CEP295: variants seen among roughly 807,000 people sequenced by gnomAD.
The protein encoded by CEP295 is centrosomal protein of 295 kDa.
CEP295 carries 190 observed loss-of-function variants against 291.6 expected under a neutral mutation model. The observed-to-expected ratio is 0.65, with a 90% CI of 0.58 to 0.73. The LOEUF (loss-of-function observed/expected upper bound fraction) is 0.73. Among genes scored for constraint, CEP295 ranks in the 30% least tolerant of loss-of-function variants. CEP295 has a pLI of 0.00. For synonymous variants in CEP295, 993 were observed against 1,038.8 expected (o/e 0.96, Z 0.85); for missense variants, 2,863 against 2,949.4 (o/e 0.97, Z 0.68).
intron 12 of CEP295, among the ~76,000 whole-genome samples, chr11:93,693,918 ATTTTAAG>A (rs1339865898): frequency 6.6e-6 from 1 of 152,224 alleles, no homozygotes; most frequent in African/African-American, 2.4e-5. Context: ...GAGGAACTAA[ATTTTAAG>A]TTTTATTTAA....
chr11:93,699,659 C>A lies in CEP295; in HGVS notation c.4747C>A (p.Pro1583Thr). ...TCTTCCCTCAAGTCATCGTGAGATTCCAAGATTACAGGATAGACTTTTGAG... is the reference window on the plus strand; with the variant it reads ...TCTTCCCTCAAGTCATCGTGAGATTACAAGATTACAGGATAGACTTTTGAG... ...DTLPSSHREI[P>T]RLQDRLLSLS... The change falls in exon 15 of 30, where the codon CCA becomes ACA. Residue 1583 changes from proline to threonine, a missense_variant. Around this residue, in one of 3 missense-constraint regions of CEP295, gnomAD observed 2,295 missense variants for 2,335.7 expected, o/e 0.98. Coordinates refer to ENST00000325212, the MANE Select transcript of CEP295 (RefSeq NM_033395.2). The A allele has an allele frequency of 6.4e-7, 1 of 1,551,514 alleles. No individual in the cohort carries two copies. Among genetic ancestry groups the A allele is most frequent in the Non-Finnish European group, 8.7e-7 (1 of 1,147,032 alleles).
At chr11:93,720,372 C>A (rs1953612791) in intron 18 of CEP295, among the ~76,000 whole-genome samples, 1 of 149,882 alleles carries the variant, frequency 6.7e-6, no homozygotes, top group Admixed American at 6.7e-5. Flanking sequence ...ACTCAGGAGG[C>A]TGAGGCAGGG....
At chr11:93,696,586 C>A in intron 14 of CEP295, 96 bp from the exon 15 acceptor site, 2 of 1,208,394 alleles carry the variant, frequency 1.7e-6, no homozygotes, top group South Asian at 1.6e-5. Flanking sequence ...TGAGTATTGC[C>A]AACCCTAGAT....
At chr11:93,714,328 G>C (rs1273762274) in intron 18 of CEP295, among the ~76,000 whole-genome samples, 1 of 152,160 alleles carries the variant, frequency 6.6e-6, no homozygotes, top group South Asian at 2.1e-4. Context: ...TCAGCTCACT[G>C]CAACTTCTGC....
chr11:93,696,986 A>G lies in CEP295; in HGVS notation c.2074A>G (p.Thr692Ala), dbSNP rs1190265587. Residue 692 changes from threonine to alanine, a missense_variant, in exon 15 of 30, where the codon ACA becomes GCA. Thr to Ala is a moderately conservative substitution (Grantham distance 58, BLOSUM62 0). Around this residue, in one of 3 missense-constraint regions of CEP295, gnomAD observed 2,295 missense variants for 2,335.7 expected, o/e 0.98. Transcript: ENST00000325212. ...FPQRQVETTE[T>A]LRASDILTNQ... ...ACAAAGACAGGTGGAAACAACAGAA[A>G]CATTACGCGCTTCAGATATTTTAAC... 1 of 1,551,592 alleles carries G rather than the reference A, an allele frequency of 6.4e-7. No homozygotes were observed. The highest frequency in any genetic ancestry group is 1.4e-5 in the African/African-American group (1 of 73,058).
Position 93,729,774 on chromosome 11 carries a change from A to G in CEP295, c.7560A>G (p.Pro2520=), listed in dbSNP as rs752581037. 3.2e-6 allele frequency: 5 copies of G among 1,540,202 alleles called. No individual in the cohort carries two copies. Among genetic ancestry groups the G allele is most frequent in the Non-Finnish European group, 4.4e-6 (5 of 1,141,986 alleles). ...NSQIKTVKEK[P]SISSSVSRLK... is the part of the protein sequence containing the mutation. ...AAATCAAAACAGTTAAAGAGAAACC[A>G]TCTATAAGTATGTTGAATTTTTAAA... Residue 2520 remains proline (P), a synonymous_variant, in exon 27 of 30, where the codon CCA becomes CCG. Transcript: ENST00000325212.
chr11:93,699,926 T>C lies in CEP295; in HGVS notation c.5014T>C (p.Tyr1672His), dbSNP rs1466679925. 1 of 1,551,814 alleles carries C rather than the reference T, an allele frequency of 6.4e-7. No individual in the cohort carries two copies. The highest frequency in any genetic ancestry group is 2.0e-5 in the Admixed American group (1 of 51,006). The change falls in exon 15 of 30, where the codon TAT (tyrosine) becomes CAT (histidine). Residue 1672 changes from tyrosine to histidine, a missense_variant. Tyr to His is a moderately conservative substitution (Grantham distance 83). Around this residue, in one of 3 missense-constraint regions of CEP295, gnomAD observed 2,295 missense variants for 2,335.7 expected, o/e 0.98. Coordinates refer to ENST00000325212, the MANE Select transcript of CEP295 (RefSeq NM_033395.2). ...TAAACCTAAAAGCACTTGTGAATTG[T>C]ATTCATCCCAGAATGAACATGCAGC... ...EAKPKSTCELYSSQNEHAAPP... is the reference protein window; with the variant it reads ...EAKPKSTCELHSSQNEHAAPP...
Position 93,730,314 on chromosome 11 carries a change from C to CATTAGACAAAATTATTT in CEP295, c.*47_*63dup, listed in dbSNP as rs768702791. ...AGGTTTTTTAATTGTGTATATGTAGCATTAGACAAAATTATTTAAAGTCAA... is the reference window on the plus strand; with the variant it reads ...AGGTTTTTTAATTGTGTATATGTAGCATTAGACAAAATTATTTATTAGACAAAATTATTTAAAGTCAA... On this transcript the variant is annotated 3_prime_UTR_variant, in exon 30 of 30. Coordinates refer to ENST00000325212, the MANE Select transcript of CEP295 (RefSeq NM_033395.2). 2 of 1,283,832 alleles carry CATTAGACAAAATTATTT rather than the reference C, an allele frequency of 1.6e-6. No individual in the cohort carries two copies. Among genetic ancestry groups the CATTAGACAAAATTATTT allele is most frequent in the African/African-American group, 3.0e-5 (2 of 67,002 alleles). The allele number at this position is 1,283,832 out of a possible 1,614,324, so 79.5% of individuals were successfully genotyped here. A position where few individuals can be genotyped will look rare whatever the true frequency, so the allele number is the denominator to read the frequency against.
At position 93,697,585 on chromosome 11, in the gene CEP295, G is replaced by A; in HGVS notation, c.2673G>A (p.Leu891=). Residue 891 remains leucine, a synonymous_variant, in exon 15 of 30, where the codon TTG becomes TTA. Coordinates refer to ENST00000325212, the MANE Select transcript of CEP295 (RefSeq NM_033395.2). ...QQTGLSVFLP[L]VTPDSSALLP... ...CGGGCCTCTCGGTATTCCTTCCCTT[G>A]GTAACTCCAGATTCATCTGCTTTAT... 1 of 1,551,676 alleles carries A rather than the reference G, an allele frequency of 6.4e-7. No individual in the cohort carries two copies. The highest frequency in any genetic ancestry group is 8.7e-7 in the Non-Finnish European group (1 of 1,146,968).
At chr11:93,729,059 T>C (rs921876756) in intron 25 of CEP295, 2 of 526,956 alleles carry the variant, frequency 3.8e-6, no homozygotes, top group East Asian at 3.1e-5. Context: ...ACTAATCTTA[T>C]ACACCTAGTG....
Position 93,667,774 on chromosome 11 carries a change from T to C in CEP295, c.276T>C (p.Ser92=). The part of the protein sequence containing the change: ...LEKLYLASLR[S]MGEGHRQAKE... The stretch of plus-strand genomic sequence containing the variant: ...AACTGTATTTGGCAAGTTTAAGAAG[T>C]ATGGGAGAGGGACATCGACAGGCCA... The change falls in exon 3 of 30, where the codon AGT becomes AGC. Residue 92 remains serine, a synonymous_variant. Coordinates refer to ENST00000325212, the MANE Select transcript of CEP295 (RefSeq NM_033395.2). 6.4e-7 allele frequency: 1 copy of C among 1,551,242 alleles called. No homozygotes were observed. The highest frequency in any genetic ancestry group is 8.7e-7 in the Non-Finnish European group (1 of 1,146,762).
Position 93,702,791 on chromosome 11 carries a change from A to G in CEP295, c.5468A>G (p.Lys1823Arg). Residue 1823 changes from lysine (K) to arginine (R), a missense_variant, in exon 17 of 30, where the codon AAA becomes AGA. Transcript: ENST00000325212. ...GACTTAATAGGTGAGCATCTGGAGA[A>G]AGATCTGGGGAGAAGATCCTCAAAG... ...SAKQSGEHLE[K>R]DLGRRSSKPP... is the part of the protein sequence containing the mutation. 1 of 1,551,954 alleles carries G rather than the reference A, an allele frequency of 6.4e-7. No homozygotes were observed.
In CEP295 at chr11:93,697,471, G is replaced by C; in HGVS notation, c.2559G>C (p.Gln853His). The change falls in exon 15 of 30, where the codon CAG (glutamine) becomes CAC (histidine). Residue 853 changes from glutamine to histidine, a missense_variant. By Grantham distance (24) the Gln-to-His change is conservative. Coordinates refer to ENST00000325212, the MANE Select transcript of CEP295 (RefSeq NM_033395.2). ...GTAATATGAAGGCCCTCCAAGAACA[G>C]TTAGACCTACAGAAGAAAGTTCTTC... ...QQGNMKALQE[Q>H]LDLQKKVLQA... 6.4e-7 allele frequency: 1 copy of C among 1,552,032 alleles called. No individual in the cohort carries two copies. Among genetic ancestry groups the C allele is most frequent in the Non-Finnish European group, 8.7e-7 (1 of 1,147,054 alleles).
intron 1 of CEP295, 93 bp from the exon 2 acceptor site, chr11:93,666,589 G>A (rs1950217089): frequency 3.5e-6 from 2 of 575,820 alleles, no homozygotes; most frequent in South Asian, 4.9e-5. Flanking sequence ...GCAAGACTCT[G>A]TCTCAAAAAA....
chr11:93,715,100 GC>G (rs1292832068), intron 18 of CEP295, among the ~76,000 whole-genome samples: 3 of 152,184 alleles, frequency 2.0e-5, no homozygotes, highest in African/African-American at 7.2e-5. Context: ...GTGGCCCCGG[GC>G]AAATCCAGAG....
chr11:93,726,300 A>G (rs897292929), intron 23 of CEP295, among the ~76,000 whole-genome samples: 2 of 152,150 alleles, frequency 1.3e-5, no homozygotes, highest in Non-Finnish European at 2.9e-5. Context: ...ACACCCAGCT[A>G]ATTTTCTATT....
chr11:93,727,761 C>CCCTTGATCCTAGG, intron 24 of CEP295, 124 bp downstream of exon 24: 2 of 751,046 alleles, frequency 2.7e-6, no homozygotes, highest in Non-Finnish European at 2.1e-6. Context: ...CTCCTAGGAT[C>CCCTTGATCCTAGG]AAGGGATCCT....
chr11:93,724,804 A>G (rs1321772589), intron 22 of CEP295, among the ~76,000 whole-genome samples: 2 of 152,082 alleles, frequency 1.3e-5, no homozygotes, highest in Admixed American at 6.6e-5. Flanking sequence ...AAAGAATCAC[A>G]TGGAAAACTT....
intron 18 of CEP295, among the ~76,000 whole-genome samples, chr11:93,719,033 G>A (rs181570624): frequency 3.0e-4 from 45 of 152,210 alleles, no homozygotes; most frequent in Admixed American, 2.2e-3. Context: ...TCTTGAACCC[G>A]GGAGGTGGAG....
Sources: allele counts gnomAD v4.1 joint callset (sites outside exome capture counted in the v4.1 genomes callset), GRCh38; gene constraint gnomAD v4.1.1; regional missense constraint gnomAD v4.1.1; transcripts MANE v1.5; gene names NCBI Gene and HGNC (gene_info 2026-07-23, HGNC 2026-07-21).